Variants in SPON1 observed in about 807,000 individuals in gnomAD.
The protein encoded by SPON1 is spondin-1.
In SPON1, 52 loss-of-function variants were observed where a neutral mutation model predicts 111.7. The ratio of observed to expected loss-of-function variants is 0.47; its 90% CI spans 0.37 to 0.59. The LOEUF (loss-of-function observed/expected upper bound fraction) is 0.59. Among genes scored for constraint, SPON1 ranks in the 20% least tolerant of loss-of-function variants. The probability of loss-of-function intolerance (pLI) is 0.00; values close to 1 mark genes in which losing one functional copy is unlikely to be tolerated. For missense variants in SPON1, 957 were observed against 1,068.5 expected (o/e 0.90, Z 1.46); for synonymous variants, 410 against 395.8 (o/e 1.04, Z -0.43).
At chr11:14,240,229 A>C (rs1457817419) in intron 6 of SPON1, among the ~76,000 whole-genome samples, 2 of 152,238 alleles carry the variant, frequency 1.3e-5, no homozygotes, top group Non-Finnish European at 2.9e-5. Context: ...GCCATGAATG[A>C]GCAAGATTCT....
chr11:14,157,277 G>A (rs1591392060), intron 6 of SPON1, among the ~76,000 whole-genome samples: 1 of 152,012 alleles, frequency 6.6e-6, no homozygotes, highest in Non-Finnish European at 1.5e-5. Context: ...ATCTGAAAAT[G>A]TCTTTATTTT....
intron 5 of SPON1, among the ~76,000 whole-genome samples, chr11:14,111,969 C>G (rs1554925493): frequency 2.0e-5 from 3 of 151,822 alleles, no homozygotes; most frequent in South Asian, 2.1e-4. Context: ...GTTCTGAACA[C>G]TCAACACTTG....
chr11:14,172,806 T>C (rs1376164107), intron 6 of SPON1, among the ~76,000 whole-genome samples: 1 of 151,960 alleles, frequency 6.6e-6, no homozygotes, highest in Non-Finnish European at 1.5e-5. Flanking sequence ...TCTTTAAGAA[T>C]GTTGAATATT....
intron 6 of SPON1, among the ~76,000 whole-genome samples, chr11:14,167,076 C>T (rs1295853638): frequency 2.6e-5 from 4 of 152,034 alleles, no homozygotes; most frequent in Non-Finnish European, 4.4e-5. Flanking sequence ...AGTCATATTA[C>T]AATTATAGGA....
chr11:14,248,129 G>A (rs537022035), intron 7 of SPON1, among the ~76,000 whole-genome samples: 12 of 152,224 alleles, frequency 7.9e-5, no homozygotes, highest in Admixed American at 7.2e-4. Flanking sequence ...GTGCAGCCGA[G>A]AAAACAAGAA....
chr11:14,258,533 T>C (rs1849135765), intron 11 of SPON1, among the ~76,000 whole-genome samples: 1 of 152,220 alleles, frequency 6.6e-6, no homozygotes, highest in Non-Finnish European at 1.5e-5. Context: ...TCTACGCTAT[T>C]CTGCCCTGAT....
At chr11:13,985,291 A>G (rs1048171446) in intron 2 of SPON1, among the ~76,000 whole-genome samples, 5 of 152,244 alleles carry the variant, frequency 3.3e-5, no homozygotes, top group African/African-American at 7.2e-5. Context: ...GTGGGATAAG[A>G]ATATGAAAAT....
At chr11:14,195,017 C>T (rs1338630574) in intron 6 of SPON1, among the ~76,000 whole-genome samples, 1 of 152,082 alleles carries the variant, frequency 6.6e-6, no homozygotes, top group African/African-American at 2.4e-5. Context: ...AATATTGAAA[C>T]GTCTTTAGTG....
chr11:14,082,688 A>G (rs1186747024), intron 5 of SPON1, among the ~76,000 whole-genome samples: 6 of 152,244 alleles, frequency 3.9e-5, no homozygotes, highest in Non-Finnish European at 7.3e-5. Flanking sequence ...GCCGTTTAAA[A>G]GGACATGGGG....
chr11:14,071,720 C>CT (rs34458930), intron 3 of SPON1, among the ~76,000 whole-genome samples: 38,739 of 151,270 alleles, frequency 0.26, 5,907 homozygotes, highest in South Asian at 0.41. Context: ...ATAATCTAAC[C>CT]TTTTTTTTTG....
At chr11:14,035,857 A>G (rs959966797) in intron 2 of SPON1, among the ~76,000 whole-genome samples, 4 of 152,160 alleles carry the variant, frequency 2.6e-5, no homozygotes, top group African/African-American at 9.7e-5. Context: ...AGCTCAAGCA[A>G]TCCTCTTGCC....
chr11:13,978,925 G>A (rs782493735), intron 1 of SPON1, among the ~76,000 whole-genome samples: 24 of 152,322 alleles, frequency 1.6e-4, no homozygotes, highest in South Asian at 2.1e-4. Context: ...CTTGGTCTGC[G>A]GAGTTTGAGC....
chr11:14,246,886 G>A (rs782606148), intron 7 of SPON1, among the ~76,000 whole-genome samples: 1 of 152,174 alleles, frequency 6.6e-6, no homozygotes, highest in Non-Finnish European at 1.5e-5. Flanking sequence ...TAAGATCTAA[G>A]GAAGCAGTAG....
chr11:14,205,231 G>A (rs1848505456), intron 6 of SPON1, among the ~76,000 whole-genome samples: 1 of 152,124 alleles, frequency 6.6e-6, no homozygotes, highest in African/African-American at 2.4e-5. Flanking sequence ...TATTCCCACT[G>A]CATTTGTGCA....
rs1849276452 is a variant in SPON1 at position 14,266,837 on chromosome 11, A to G, written c.*1150A>G. 6.6e-6 allele frequency: 1 copy of G among 152,156 alleles called. No individual in the cohort carries two copies. The highest frequency in any genetic ancestry group is 2.1e-4 in the South Asian group (1 of 4,818). 9.4% of individuals were successfully genotyped at this position (152,156 alleles called of 1,614,324 possible). A position where few individuals can be genotyped will look rare whatever the true frequency, so the allele number is the denominator to read the frequency against. On this transcript the variant is annotated 3_prime_UTR_variant, in exon 16 of 16. Coordinates refer to ENST00000576479, the MANE Select transcript of SPON1 (RefSeq NM_006108.4). ...GGAAAGTCAAACCTGTCAGTGCTCC[A>G]CACCAGGGCTGTGGTCCTCCCAGAC...
intron 6 of SPON1, among the ~76,000 whole-genome samples, chr11:14,213,470 T>C (rs1848596116): frequency 6.6e-6 from 1 of 152,148 alleles, no homozygotes; most frequent in South Asian, 2.1e-4. Flanking sequence ...GTGTTTATTG[T>C]GTCATTTAAA....
chr11:14,144,634 CAAT>C (rs71041573), intron 6 of SPON1, among the ~76,000 whole-genome samples: 49,598 of 142,520 alleles, frequency 0.35, 9,033 homozygotes, highest in Middle Eastern at 0.46. Flanking sequence ...ACTCCATCTC[CAAT>C]AATAATAATA....
intron 5 of SPON1, among the ~76,000 whole-genome samples, chr11:14,087,537 C>T (rs1206308038): frequency 6.6e-6 from 1 of 152,152 alleles, no homozygotes; most frequent in Non-Finnish European, 1.5e-5. Context: ...TGTTCTTTTG[C>T]ATTTTCTGAG....
intron 1 of SPON1, among the ~76,000 whole-genome samples, chr11:13,977,155 A>G (rs1848109374): frequency 6.6e-6 from 1 of 152,178 alleles, no homozygotes; most frequent in East Asian, 1.9e-4. Context: ...TAATGTTACT[A>G]CTAATATTCT....
Sources: gnomAD v4.1 joint callset for allele counts (sites outside exome capture counted in the v4.1 genomes callset) on GRCh38, gnomAD v4.1.1 for gene constraint, MANE v1.5 for transcripts, NCBI Gene and HGNC (gene_info 2026-07-23, HGNC 2026-07-21) for gene names.